PCNX1: variants seen among roughly 807,000 people sequenced by gnomAD.
PCNX1 encodes pecanex-like protein 1.
Under a neutral mutation model 242.2 loss-of-function variants are expected in PCNX1, and 78 were observed. The ratio of observed to expected loss-of-function variants is 0.32; its 90% CI spans 0.27 to 0.39. The LOEUF (loss-of-function observed/expected upper bound fraction) is 0.39, where lower values mean the gene tolerates loss of function less well. PCNX1 is among the 10% of genes least tolerant of loss of function. PCNX1 has a pLI of 1.00. For synonymous variants in PCNX1, 1,024 were observed against 1,032.9 expected, an observed-to-expected ratio of 0.99 and a Z score of 0.17; for missense variants, 2,581 against 2,856.5, an observed-to-expected ratio of 0.90 and a Z score of 2.20.
At chr14:70,965,708 G>T (rs2139965597) in intron 3 of PCNX1, among the ~76,000 whole-genome samples, 1 of 151,672 alleles carries the variant, frequency 6.6e-6, no homozygotes, top group Admixed American at 6.6e-5. Flanking sequence ...ATTGCCATAG[G>T]AATGGTAGAG....
intron 13 of PCNX1, among the ~76,000 whole-genome samples, chr14:71,024,255 A>G (rs1009739667): frequency 3.3e-5 from 5 of 152,186 alleles, no homozygotes; most frequent in Admixed American, 2.0e-4. Context: ...CAAGATAATT[A>G]TCAAAATTAG....
intron 3 of PCNX1, among the ~76,000 whole-genome samples, chr14:70,962,856 C>CTTA (rs1264573740): frequency 6.6e-6 from 1 of 152,174 alleles, no homozygotes; most frequent in Non-Finnish European, 1.5e-5. Context: ...CTCTAGTCCT[C>CTTA]TTATTCATCC....
intron 24 of PCNX1, among the ~76,000 whole-genome samples, chr14:71,054,040 T>C (rs2061114278): frequency 6.6e-6 from 1 of 152,200 alleles, no homozygotes; most frequent in South Asian, 2.1e-4. Flanking sequence ...TGCCTTGGCC[T>C]CTCAAAGTGC....
At chr14:70,919,623 C>A (rs1443982844) in intron 1 of PCNX1, among the ~76,000 whole-genome samples, 3 of 135,716 alleles carry the variant, frequency 2.2e-5, no homozygotes, top group Non-Finnish European at 4.6e-5. Context: ...TATAGATGAA[C>A]TTTACTAAAT....
At position 71,028,294 on chromosome 14, in the gene PCNX1, G is replaced by T. The variant is rs181866645; in HGVS notation, c.3467-406G>T. Among the ~76,000 whole-genome samples the T allele has an allele frequency of 2.7e-4, 41 of 152,016 alleles. No homozygotes were observed. The East Asian group carries it at 6.9e-3, about 26-fold the overall frequency. On this transcript the variant is annotated intron_variant, in intron 15 of 35. Transcript: ENST00000304743. The stretch of plus-strand genomic sequence containing the variant: ...TGGGCATACAGATTTACTTCTGGGG[G>T]TAACACAGGTTCTGTTTACATAGAT...
intron 6 of PCNX1, among the ~76,000 whole-genome samples, chr14:70,986,982 A>G (rs2059019562): frequency 6.6e-6 from 1 of 152,164 alleles, no homozygotes; most frequent in Admixed American, 6.5e-5. Flanking sequence ...GTGTCTAAGA[A>G]CTGTTAGCAG....
intron 1 of PCNX1, among the ~76,000 whole-genome samples, chr14:70,939,712 G>A (rs1381114357): frequency 6.6e-6 from 1 of 152,190 alleles, no homozygotes; most frequent in African/African-American, 2.4e-5. Flanking sequence ...TCGTTGATCT[G>A]TCTAATGTTG....
chr14:70,976,796 T>C, intron 5 of PCNX1, 146 bp from the exon 6 acceptor site: 2 of 686,490 alleles, frequency 2.9e-6, no homozygotes, highest in South Asian at 1.9e-5. Context: ...TGTGCAGCTG[T>C]GAAACAGAAA....
intron 28 of PCNX1, among the ~76,000 whole-genome samples, chr14:71,083,182 C>T (rs1262267127): frequency 6.6e-6 from 1 of 152,188 alleles, no homozygotes; most frequent in Non-Finnish European, 1.5e-5. Context: ...TACTGGCCCT[C>T]ACTCTCTTCT....
intron 1 of PCNX1, among the ~76,000 whole-genome samples, chr14:70,916,918 C>T (rs2056174166): frequency 6.6e-6 from 1 of 152,230 alleles, no homozygotes; most frequent in Non-Finnish European, 1.5e-5. Context: ...AATCCTGTTA[C>T]TGCTTTGTCA....
intron 8 of PCNX1, among the ~76,000 whole-genome samples, chr14:71,001,089 C>A (rs1008961665): frequency 1.3e-5 from 2 of 152,034 alleles, no homozygotes; most frequent in Non-Finnish European, 2.9e-5. Context: ...GAACAGTGCT[C>A]GACAATTGTA....
At chr14:71,103,192 T>G (rs2062509607) in intron 31 of PCNX1, among the ~76,000 whole-genome samples, 1 of 152,250 alleles carries the variant, frequency 6.6e-6, no homozygotes, top group Admixed American at 6.5e-5. Flanking sequence ...AAGAGCTGTG[T>G]AGATACTTAT....
At chr14:71,062,119 GAAAC>G (rs1423564404) in intron 26 of PCNX1, among the ~76,000 whole-genome samples, 1 of 152,198 alleles carries the variant, frequency 6.6e-6, no homozygotes, top group Non-Finnish European at 1.5e-5. Context: ...ATGAATGAAA[GAAAC>G]AAACCAAGCA....
chr14:71,067,517 G>A (rs1020775913), intron 26 of PCNX1, among the ~76,000 whole-genome samples: 3 of 151,190 alleles, frequency 2.0e-5, no homozygotes, highest in Non-Finnish European at 4.4e-5. Context: ...TCATTTGTCT[G>A]ACTATTGTTC....
intron 11 of PCNX1, among the ~76,000 whole-genome samples, chr14:71,015,632 C>T (rs1041856416): frequency 3.3e-5 from 5 of 152,034 alleles, no homozygotes; most frequent in Non-Finnish European, 1.5e-5. Context: ...TCTGTCTCTA[C>T]AAACATATTT....
chr14:70,941,982 G>T (rs1228885119), intron 1 of PCNX1, among the ~76,000 whole-genome samples: 1 of 152,184 alleles, frequency 6.6e-6, no homozygotes, highest in African/African-American at 2.4e-5. Flanking sequence ...CATTGGAAAA[G>T]CACAGTATTA....
intron 14 of PCNX1, 122 bp from the exon 15 acceptor site, chr14:71,026,650 T>G (rs536072490): frequency 7.0e-5 from 33 of 474,048 alleles, no homozygotes; most frequent in African/African-American, 6.4e-4. Flanking sequence ...TAAAATACTG[T>G]CTTTTAAAAA....
At chr14:71,064,188 TATTA>T (rs1471672455) in intron 26 of PCNX1, among the ~76,000 whole-genome samples, 2 of 152,156 alleles carry the variant, frequency 1.3e-5, no homozygotes, top group African/African-American at 4.8e-5. Flanking sequence ...ATAGAATCCC[TATTA>T]ATTAATATTA....
At position 71,073,562 on chromosome 14, in the gene PCNX1, C is replaced by T; in HGVS notation, c.4870C>T (p.Arg1624Trp). The change falls in exon 27 of 36, where the codon CGG (arginine) becomes TGG (tryptophan). Residue 1624 changes from arginine to tryptophan, a missense_variant. Physicochemically the swap from Arg to Trp is moderately radical, Grantham distance 101 (BLOSUM62 -3). Transcript: ENST00000304743. ...LEFRGTYCQQ[R>W]EVEAITEGVE... ...TCTCTAAGGTACCTACTGTCAACAA[C>T]GGGAAGTGGAGGCCATTACTGAAGG... 5 of 1,611,080 alleles carry T rather than the reference C, an allele frequency of 3.1e-6. No individual in the cohort carries two copies. Among genetic ancestry groups the T allele is most frequent in the Non-Finnish European group, 4.2e-6 (5 of 1,178,392 alleles).
Sources: allele counts gnomAD v4.1 joint callset (sites outside exome capture counted in the v4.1 genomes callset), GRCh38; gene constraint gnomAD v4.1.1; transcripts MANE v1.5; gene names NCBI Gene and HGNC (gene_info 2026-07-23, HGNC 2026-07-21).